Variants in CAPN3 observed in about 807,000 individuals in gnomAD.
CAPN3 encodes calpain 3, also known as calpain-3.
Under a neutral mutation model 114.0 loss-of-function variants are expected in CAPN3, and 88 were observed. The ratio of observed to expected loss-of-function variants is 0.77; its 90% confidence interval spans 0.65 to 0.92. CAPN3 has a LOEUF of 0.92. CAPN3 is among the 40% of genes least tolerant of loss of function. The pLI is 0.00. For missense variants in CAPN3, 1,028 were observed against 1,069.0 expected (o/e 0.96, Z 0.53); for synonymous variants, 386 against 382.9 (o/e 1.01, Z -0.09).
rs2054149386 is a variant in CAPN3, at chr15:42,409,822, C to A, written c.2028C>A (p.Val676=). The change falls in exon 18 of 24, where the codon GTC becomes GTA. Residue 676 remains valine, a synonymous_variant. Coordinates refer to ENST00000397163, the MANE Select transcript of CAPN3 (RefSeq NM_000070.3). ...TCTGTGCAGATGAGCTCAAGAAGGT[C>A]CTTAACACAGTCGTGAACAAACGTG... The part of the protein sequence containing the change: ...MEICADELKK[V]LNTVVNKHKD... 1 of 1,573,774 alleles carries A rather than the reference C, an allele frequency of 6.4e-7. No homozygotes were observed. The highest frequency in any genetic ancestry group is 8.6e-7 in the Non-Finnish European group (1 of 1,156,284).
rs565961344 is a variant in CAPN3 at position 42,383,546 on chromosome 15, G to A, written c.310-937G>A. Reference sequence around the variant, plus strand: ...AGAGTTTGCAGTGAGCCGAGATCGCGCCACTGTACTCCAGCCTGTGTCGCC... The same window carrying A: ...AGAGTTTGCAGTGAGCCGAGATCGCACCACTGTACTCCAGCCTGTGTCGCC... On this transcript the variant is annotated intron_variant, in intron 1 of 23. Coordinates refer to ENST00000397163, the MANE Select transcript of CAPN3 (RefSeq NM_000070.3). Among the ~76,000 whole-genome samples the A allele has an allele frequency of 2.6e-5, 4 of 152,136 alleles. No individual in the cohort carries two copies. In the East Asian group the frequency reaches 5.8e-4, roughly 22 times the overall value.
At chr15:42,407,280 A>T (rs559675519) in intron 15 of CAPN3, among the ~76,000 whole-genome samples, 1 of 152,280 alleles carries the variant, frequency 6.6e-6, no homozygotes, top group African/African-American at 2.4e-5. Context: ...CCCTATGAGG[A>T]GGGAAAGCAG....
chr15:42,392,792 T>G, intron 7 of CAPN3, 70 bp downstream of exon 7: 1 of 1,337,886 alleles, frequency 7.5e-7, no homozygotes, highest in Non-Finnish European at 1.1e-6. Flanking sequence ...AGGACTTAGC[T>G]GTTGGGGCCC....
chr15:42,405,931 GA>G lies in CAPN3; in HGVS notation c.1795del (p.Thr599ProfsTer63), dbSNP rs80338803. ...TGTTTCCTTTTCTTATGCAGAAAAA[GA>G]AAAAAACCAAGGTAGGTGTGTGGGT... ...TISVDRPVKK[K>X]KTKPIIFVSD... On this transcript the variant is annotated frameshift_variant, in exon 15 of 24. Coordinates refer to ENST00000397163, the MANE Select transcript of CAPN3 (RefSeq NM_000070.3). LOFTEE classifies it high-confidence loss of function. 3 of 1,611,978 alleles carry G rather than the reference GA, an allele frequency of 1.9e-6. No homozygotes were observed. Among genetic ancestry groups the G allele is most frequent in the Admixed American group, 1.7e-5 (1 of 59,954 alleles).
Position 42,394,252 on chromosome 15 carries a change from T to C in CAPN3, c.1030-4T>C, listed in dbSNP as rs2141180641. 5 of 1,555,138 alleles carry C rather than the reference T, an allele frequency of 3.2e-6. No homozygotes were observed. The highest frequency in any genetic ancestry group is 4.4e-6 in the Non-Finnish European group (5 of 1,148,728). On this transcript the variant is annotated splice_polypyrimidine_tract_variant and splice_region_variant and intron_variant, in intron 7 of 23. Coordinates refer to ENST00000397163, the MANE Select transcript of CAPN3 (RefSeq NM_000070.3). ...AGCATGAGAGCTCTTTCTGTGTGCT[T>C]AAGGTCCCGTTCAAAGGTGAGAAAG...
At chr15:42,382,153 A>T (rs916809224) in intron 1 of CAPN3, among the ~76,000 whole-genome samples, 1 of 151,998 alleles carries the variant, frequency 6.6e-6, no homozygotes, top group Non-Finnish European at 1.5e-5. Flanking sequence ...TCTGATAATA[A>T]TCTAATGTTT....
chr15:42,394,614 G>A (rs569875748), intron 8 of CAPN3, among the ~76,000 whole-genome samples: 28 of 152,296 alleles, frequency 1.8e-4, no homozygotes, highest in South Asian at 4.2e-4. Flanking sequence ...CAGGAAAAGC[G>A]TATGAATGCA....
At chr15:42,385,006 T>C (rs2141156944) in intron 2 of CAPN3, among the ~76,000 whole-genome samples, 1 of 152,352 alleles carries the variant, frequency 6.6e-6, no homozygotes, top group East Asian at 1.9e-4. Context: ...AGCTCCATCT[T>C]AAAAGAGTCT....
At chr15:42,409,725 A>C in intron 17 of CAPN3, 62 bp from the exon 18 acceptor site, 1 of 1,448,664 alleles carries the variant, frequency 6.9e-7, no homozygotes, top group Non-Finnish European at 9.7e-7. Context: ...TGTTTTGCAA[A>C]GTGTCCGCGC....
At chr15:42,385,679 A>C (rs372253503) in intron 2 of CAPN3, 146 of 519,984 alleles carry the variant, frequency 2.8e-4, no homozygotes, top group Admixed American at 9.5e-4. Context: ...CCCCCTATAG[A>C]CGGGTTCCAG....
Position 42,359,528 on chromosome 15 carries a change from C to T in CAPN3, c.-278C>T. 1 of 1,305,920 alleles carries T rather than the reference C, an allele frequency of 7.7e-7. No homozygotes were observed. The highest frequency in any genetic ancestry group is 9.8e-7 in the Non-Finnish European group (1 of 1,022,746). The allele number at this position is 1,305,920 out of a possible 1,614,324, so 80.9% of individuals were successfully genotyped here. ...TCTCTTTCTCTCTCCCTCTGGCATG[C>T]ATGCTGCTGGTAGGAGACCCCCAAG... On this transcript the variant is annotated 5_prime_UTR_variant, in exon 1 of 24. Coordinates refer to ENST00000397163, the MANE Select transcript of CAPN3 (RefSeq NM_000070.3).
chr15:42,360,368 A>AAG (rs546023971), intron 1 of CAPN3, among the ~76,000 whole-genome samples: 1 of 111,470 alleles, frequency 9.0e-6, no homozygotes, highest in African/African-American at 3.9e-5. Flanking sequence ...TTTCTCTCTG[A>AAG]AAAAAAAAAA....
At chr15:42,398,810 A>T (rs1229681719) in intron 9 of CAPN3, among the ~76,000 whole-genome samples, 2 of 122,712 alleles carry the variant, frequency 1.6e-5, no homozygotes, top group South Asian at 5.5e-4. Context: ...TTTGAGACAG[A>T]GTCTCACTTT....
rs560268583 is a variant in CAPN3 at position 42,371,857 on chromosome 15, G to A, written c.309+11743G>A. ...CGGGAGCCTGTAATCCCAACTACTC[G>A]GGAGGCTGAGGCAGGAGAATCGCTT... On this transcript the variant is annotated intron_variant, in intron 1 of 23. Coordinates refer to ENST00000397163, the MANE Select transcript of CAPN3 (RefSeq NM_000070.3). Among the ~76,000 whole-genome samples the A allele has an allele frequency of 2.6e-5, 4 of 151,848 alleles. No homozygotes were observed. In the East Asian group the frequency reaches 5.8e-4, roughly 22 times the overall value.
At chr15:42,399,748 G>C (rs3743002) in intron 10 of CAPN3, 96 bp downstream of exon 10, 2 of 1,056,800 alleles carry the variant, frequency 1.9e-6, no homozygotes, top group Admixed American at 2.7e-5. Context: ...TGTTCCAGAC[G>C]TCCACTATCT....
intron 17 of CAPN3, 106 bp from the exon 18 acceptor site, chr15:42,409,681 G>C: frequency 9.5e-7 from 1 of 1,057,168 alleles, no homozygotes; most frequent in South Asian, 1.3e-5. Flanking sequence ...TAATAGCACC[G>C]ACAGGGATTT....
chr15:42,394,157 A>C, intron 7 of CAPN3, 99 bp from the exon 8 acceptor site: 41 of 1,084,712 alleles, frequency 3.8e-5, no homozygotes, highest in Non-Finnish European at 5.0e-5. Flanking sequence ...CCCTCGCGTA[A>C]GAGATTTGCC....
At position 42,386,217 on chromosome 15, in the gene CAPN3, C is replaced by T. The variant is rs1277687577; in HGVS notation, c.430C>T (p.Leu144Phe). The change falls in exon 3 of 24, where the codon CTT (leucine) becomes TTT (phenylalanine). Residue 144 changes from leucine to phenylalanine, a missense_variant. Coordinates refer to ENST00000397163, the MANE Select transcript of CAPN3 (RefSeq NM_000070.3). The stretch of plus-strand genomic sequence containing the variant: ...TGCCTGCCTGACCCTGAACCAGCAC[C>T]TTCTTTTCCGAGTCATACCCCATGA... ...AIACLTLNQH[L>F]LFRVIPHDQS... is the part of the protein sequence containing the mutation. 6.2e-7 allele frequency: 1 copy of T among 1,614,170 alleles called. No individual in the cohort carries two copies. Among genetic ancestry groups the T allele is most frequent in the South Asian group, 1.1e-5 (1 of 91,084 alleles).
rs775670528 is a variant in CAPN3 at position 42,403,756 on chromosome 15, C to T, written c.1761C>T (p.Thr587=). 6.2e-7 allele frequency: 1 copy of T among 1,613,998 alleles called. No individual in the cohort carries two copies. ...TTCCTCACAGGGAAGTTGAAAATAC[C>T]ATCTCCGTGGATCGGCCAGTGGTGA... ...KRNLSEEVEN[T]ISVDRPVKKK... The change falls in exon 14 of 24, where the codon ACC becomes ACT. Residue 587 remains threonine, a synonymous_variant. Transcript: ENST00000397163.
Sources: gnomAD v4.1 joint callset for allele counts (sites outside exome capture counted in the v4.1 genomes callset) on GRCh38, gnomAD v4.1.1 for gene constraint, MANE v1.5 for transcripts, NCBI Gene and HGNC (gene_info 2026-07-23, HGNC 2026-07-21) for gene names.